RADIL: variants seen among roughly 807,000 people sequenced by gnomAD.
RADIL encodes Rap associating with DIL domain, also known as ras-associating and dilute domain-containing protein.
RADIL carries 99 observed loss-of-function variants against 97.6 expected under a neutral mutation model. The ratio of observed to expected loss-of-function variants is 1.01; its 90% CI spans 0.86 to 1.20. The LOEUF is 1.20. RADIL is among the 50% of genes most tolerant of loss of function. RADIL has a pLI of 0.00. For missense variants in RADIL, 1,765 were observed against 1,498.9 expected (o/e 1.18, Z -2.93); for synonymous variants, 803 against 691.8 (o/e 1.16, Z -2.52).
rs200778424 is a variant in RADIL, at chr7:4,817,323, C to A, written c.1644G>T (p.Thr548=). The part of the protein sequence containing the change: ...TGSKESLFSC[T]LTASEEAMAV... ...CCATGGCCTCCTCGCTGGCCGTCAGCGTGCAGGAGAACAGCGATTCCTTCG... is the reference window on the plus strand; with the variant it reads ...CCATGGCCTCCTCGCTGGCCGTCAGAGTGCAGGAGAACAGCGATTCCTTCG... The change falls in exon 7 of 15, where the codon ACG becomes ACT. Residue 548 remains threonine (T), a synonymous_variant. Transcript: ENST00000399583. The surrounding 1 kb of genome is among the most constrained non-coding windows in gnomAD (Gnocchi z 8.3). The A allele has an allele frequency of 6.2e-7, 1 of 1,612,360 alleles. No homozygotes were observed. Among genetic ancestry groups the A allele is most frequent in the African/African-American group, 1.3e-5 (1 of 75,046 alleles).
At position 4,834,860 on chromosome 7, in the gene RADIL, GC is replaced by G. The variant is rs1368996705; in HGVS notation, c.1162del (p.Ala388ProfsTer35). The G allele has an allele frequency of 5.3e-6, 7 of 1,325,278 alleles. No homozygotes were observed. Among genetic ancestry groups the G allele is most frequent in the East Asian group, 3.1e-5 (1 of 32,130 alleles). The allele number at this position is 1,325,278 out of a possible 1,614,324, so 82.1% of individuals were successfully genotyped here. A position where few individuals can be genotyped will look rare whatever the true frequency, so the allele number is the denominator to read the frequency against. On this transcript the variant is annotated frameshift_variant, in exon 4 of 15. Transcript: ENST00000399583. LOFTEE classifies it high-confidence loss of function. This position sits in a 1 kb window ranked among gnomAD's most constrained non-coding sequence, Gnocchi z 6.0. ...SCRLCGAALG[A>X]RGAASPTQAA... ...CTGAGTAGGGGAGGCGGCTCCCCGG[GC>G]CCCGAGCGCGGCCCCGCACAGCCGG... is the stretch of plus-strand genomic sequence containing the variant.
Position 4,800,300 on chromosome 7 carries a change from T to G in RADIL, c.2853A>C (p.Ala951=), listed in dbSNP as rs1257094707. Residue 951 remains alanine, a synonymous_variant, in exon 13 of 15, where the codon GCA becomes GCC. Transcript: ENST00000399583. ...LRGAAPEGDS[A]ALAEESPPAP... ...CTGGAGGGGACTCCTCCGCAAGGGCTGCAGAGTCTCCTGGGTGGGGGCCAG... is the reference window on the plus strand; with the variant it reads ...CTGGAGGGGACTCCTCCGCAAGGGCGGCAGAGTCTCCTGGGTGGGGGCCAG... The G allele has an allele frequency of 6.8e-7, 1 of 1,472,706 alleles. No homozygotes were observed. The allele number at this position is 1,472,706 out of a possible 1,614,324, so 91.2% of individuals were successfully genotyped here.
intron 11 of RADIL, among the ~76,000 whole-genome samples, chr7:4,802,885 G>A (rs1189337787): frequency 1.7e-5 from 2 of 114,996 alleles, no homozygotes; most frequent in South Asian, 3.1e-4. Flanking sequence ...CACTCTGGCT[G>A]GGGGGCCCCC....
Position 4,816,464 on chromosome 7 carries a change from G to A in RADIL, c.1730C>T (p.Ser577Phe). 1 of 1,603,720 alleles carries A rather than the reference G, an allele frequency of 6.2e-7. No individual in the cohort carries two copies. The highest frequency in any genetic ancestry group is 8.5e-7 in the Non-Finnish European group (1 of 1,174,620). The change falls in exon 8 of 15, where the codon TCC becomes TTC. Residue 577 changes from serine to phenylalanine, a missense_variant and splice_region_variant. Transcript: ENST00000399583. ...FQQCVYYVSKSLYICLPALLE... is the reference protein window; with the variant it reads ...FQQCVYYVSKFLYICLPALLE... ...GAGTGCCGGGAGGCAGATGTACAGG[G>A]ACTGGCGGGGGCAAGAGGAGAACAG... is the stretch of plus-strand genomic sequence containing the variant.
Position 4,817,866 on chromosome 7 carries a change from G to T in RADIL, c.1616-515C>A, listed in dbSNP as rs1351185560. Among the ~76,000 whole-genome samples, 4 of 152,164 alleles carry T rather than the reference G, an allele frequency of 2.6e-5. No homozygotes were observed. The highest frequency in any genetic ancestry group is 7.2e-5 in the African/African-American group (3 of 41,438). On this transcript the variant is annotated intron_variant, in intron 6 of 14. Coordinates refer to ENST00000399583, the MANE Select transcript of RADIL (RefSeq NM_018059.5). This position sits in a 1 kb window ranked among gnomAD's most constrained non-coding sequence, Gnocchi z 8.3. Reference sequence around the variant, plus strand: ...AGCCGGGGCGGCTGGAGCTGAGGCTGGGGGGAGCTGCCCACGGAGTGGTTC... The same window carrying T: ...AGCCGGGGCGGCTGGAGCTGAGGCTTGGGGGAGCTGCCCACGGAGTGGTTC...
intron 1 of RADIL, among the ~76,000 whole-genome samples, chr7:4,881,325 G>A (rs1474417721): frequency 2.7e-5 from 4 of 149,668 alleles, no homozygotes; most frequent in Non-Finnish European, 5.9e-5. Flanking sequence ...TGAGGCAGGA[G>A]AATGGCGTGA....
intron 5 of RADIL, among the ~76,000 whole-genome samples, chr7:4,831,874 A>G (rs990975281): frequency 1.9e-5 from 2 of 104,026 alleles, no homozygotes; most frequent in African/African-American, 5.9e-5. Flanking sequence ...GCGATAGAGC[A>G]AACAAAACAA....
In RADIL at chr7:4,822,281, C is replaced by T; in HGVS notation, c.1615+113G>A. The T allele has an allele frequency of 3.8e-6, 5 of 1,302,034 alleles. No individual in the cohort carries two copies. Among genetic ancestry groups the T allele is most frequent in the Non-Finnish European group, 5.2e-6 (5 of 970,750 alleles). The allele number at this position is 1,302,034 out of a possible 1,614,324, so 80.7% of individuals were successfully genotyped here. A position where few individuals can be genotyped will look rare whatever the true frequency, so the allele number is the denominator to read the frequency against. ...GCCTAGGGACTGAGGAAGCCCCCGG[C>T]ATGAATCCACCCCTGCTATCATGGC... On this transcript the variant is annotated intron_variant, in intron 6 of 14. Coordinates refer to ENST00000399583, the MANE Select transcript of RADIL (RefSeq NM_018059.5). This position sits in a 1 kb window ranked among gnomAD's most constrained non-coding sequence, Gnocchi z 5.3.
At position 4,824,135 on chromosome 7, in the gene RADIL, T is replaced by C. The variant is rs1199339370; in HGVS notation, c.1455-1581A>G. ...AGATCTGACTTGGGTCTGCCTGGGGTGTGGAGGGCGGCCCTGCTGCCTGCC... is the reference window on the plus strand; with the variant it reads ...AGATCTGACTTGGGTCTGCCTGGGGCGTGGAGGGCGGCCCTGCTGCCTGCC... On this transcript the variant is annotated intron_variant, in intron 5 of 14. Coordinates refer to ENST00000399583, the MANE Select transcript of RADIL (RefSeq NM_018059.5). This position sits in a 1 kb window ranked among gnomAD's most constrained non-coding sequence, Gnocchi z 6.7. 6.6e-6 allele frequency among the ~76,000 whole-genome samples: 1 copy of C among 152,108 alleles called. No individual in the cohort carries two copies. The highest frequency in any genetic ancestry group is 1.5e-5 in the Non-Finnish European group (1 of 68,016).
At chr7:4,831,320 G>T (rs1297162491) in intron 5 of RADIL, among the ~76,000 whole-genome samples, 2 of 152,024 alleles carry the variant, frequency 1.3e-5, no homozygotes, top group African/African-American at 4.8e-5. Flanking sequence ...TTACAAGTGG[G>T]AGCTAAATGA....
chr7:4,812,123 C>T (rs1363031572), intron 9 of RADIL, among the ~76,000 whole-genome samples: 4 of 152,278 alleles, frequency 2.6e-5, no homozygotes, highest in Non-Finnish European at 5.9e-5. Context: ...TCAAGGGATC[C>T]TCCTGCCTTG....
rs1035145078 is a variant in RADIL at position 4,883,389 on chromosome 7, C to A, written c.-65+207G>T. On this transcript the variant is annotated intron_variant, in intron 1 of 14. Transcript: ENST00000399583. This position sits in a 1 kb window ranked among gnomAD's most constrained non-coding sequence, Gnocchi z 7.1. ...CCCGCGCTAGCCGGCCTCCGGGTAC[C>A]GCCCCCCGGTCCAGGCCGGGGCCCG... Among the ~76,000 whole-genome samples the A allele has an allele frequency of 1.3e-5, 2 of 152,090 alleles. No homozygotes were observed. The highest frequency in any genetic ancestry group is 4.8e-5 in the African/African-American group (2 of 41,432).
chr7:4,874,587 G>C (rs1038730721), intron 2 of RADIL, among the ~76,000 whole-genome samples: 3 of 152,218 alleles, frequency 2.0e-5, no homozygotes, highest in Non-Finnish European at 4.4e-5. Context: ...GGCCCAGGGG[G>C]CCAGCTCTGG....
At position 4,827,397 on chromosome 7, in the gene RADIL, C is replaced by T. The variant is rs6962793; in HGVS notation, c.1454+4744G>A. On this transcript the variant is annotated intron_variant, in intron 5 of 14. Transcript: ENST00000399583. ...AAAAAGGGCCGGGTGCGGTGGCTCA[C>T]GCCTGTAATCCCAGCACTTTGGGAG... 4.4e-3 allele frequency among the ~76,000 whole-genome samples: 635 copies of T among 145,928 alleles called. 6 individuals carry two copies. Among genetic ancestry groups the T allele is most frequent in the African/African-American group, 0.014 (566 of 39,326 alleles).
rs1782640784 is a variant in RADIL at position 4,815,001 on chromosome 7, T to C, written c.2139+277A>G. 1.3e-5 allele frequency among the ~76,000 whole-genome samples: 2 copies of C among 152,288 alleles called. No homozygotes were observed. The highest frequency in any genetic ancestry group is 6.8e-3 in the Middle Eastern group (2 of 292). On this transcript the variant is annotated intron_variant, in intron 9 of 14. Transcript: ENST00000399583. The surrounding 1 kb of genome is among the most constrained non-coding windows in gnomAD (Gnocchi z 8.0). Reference sequence around the variant, plus strand: ...CATCTCCGAATCTCAAGGTCCTTAATCGTAGTCACACGTACAGAGGCTTCT... The same window carrying C: ...CATCTCCGAATCTCAAGGTCCTTAACCGTAGTCACACGTACAGAGGCTTCT...
Position 4,868,906 on chromosome 7 carries a change from C to T in RADIL, c.535+8699G>A, listed in dbSNP as rs560519641. Among the ~76,000 whole-genome samples, 12 of 152,280 alleles carry T rather than the reference C, an allele frequency of 7.9e-5. No homozygotes were observed. The South Asian group carries it at 2.3e-3, about 29-fold the overall frequency. On this transcript the variant is annotated intron_variant, in intron 2 of 14. Transcript: ENST00000399583. Reference sequence around the variant, plus strand: ...CTTTGGGAGGCCAAGGCAGGCAGATCATTTGAGGTCAGGAGTTCGAGACCA... The same window carrying T: ...CTTTGGGAGGCCAAGGCAGGCAGATTATTTGAGGTCAGGAGTTCGAGACCA...
At position 4,809,035 on chromosome 7, in the gene RADIL, C is replaced by T. The variant is rs1470184046; in HGVS notation, c.2140-3319G>A. ...GCCACTGCCCCCCCTTGTCCCCTTC[C>T]GACGCCACTGCCCCCCCGTTCCAAT... On this transcript the variant is annotated intron_variant, in intron 9 of 14. Coordinates refer to ENST00000399583, the MANE Select transcript of RADIL (RefSeq NM_018059.5). 6 of 911,564 alleles carry T rather than the reference C, an allele frequency of 6.6e-6. No homozygotes were observed. The African/African-American group carries it at 1.2e-4, about 18-fold the overall frequency. 56.5% of individuals were successfully genotyped at this position (911,564 alleles called of 1,614,324 possible). A position where few individuals can be genotyped will look rare whatever the true frequency, so the allele number is the denominator to read the frequency against.
chr7:4,847,278 G>A (rs1194382786), intron 2 of RADIL, among the ~76,000 whole-genome samples: 1 of 152,226 alleles, frequency 6.6e-6, no homozygotes, highest in Non-Finnish European at 1.5e-5. Flanking sequence ...CCAAGATGAC[G>A]CCAATGCACT....
intron 2 of RADIL, chr7:4,857,705 G>A (rs1189526463): frequency 1.3e-5 from 2 of 152,468 alleles, no homozygotes; most frequent in Non-Finnish European, 2.9e-5. Flanking sequence ...GATTTAAATC[G>A]TACTATTGTC....
Sources: gnomAD v4.1 joint callset for allele counts (sites outside exome capture counted in the v4.1 genomes callset) on GRCh38, gnomAD v4.1.1 for gene constraint, Gnocchi (gnomAD v3.1) non-coding constraint, MANE v1.5 for transcripts, NCBI Gene and HGNC (gene_info 2026-07-23, HGNC 2026-07-21) for gene names.